PRKG1: variants seen among roughly 807,000 people sequenced by gnomAD.
The protein encoded by PRKG1 is cGMP-dependent protein kinase 1.
Under a neutral mutation model 88.1 loss-of-function variants are expected in PRKG1, and 35 were observed. The observed-to-expected ratio is 0.40, with a 90% CI of 0.30 to 0.53. The LOEUF (loss-of-function observed/expected upper bound fraction) is 0.53, where lower values mean the gene tolerates loss of function less well. Among genes scored for constraint, PRKG1 ranks in the 20% least tolerant of loss-of-function variants. The probability of loss-of-function intolerance (pLI) is 0.59; values close to 1 mark genes in which losing one functional copy is unlikely to be tolerated. For synonymous variants in PRKG1, 303 were observed against 292.5 expected (o/e 1.04, Z -0.37); for missense variants, 540 against 839.8 (o/e 0.64, Z 4.41).
intron 2 of PRKG1, chr10:51,319,869 T>C (rs941605980): frequency 6.4e-6 from 1 of 156,580 alleles, no homozygotes; most frequent in African/African-American, 2.4e-5. Context: ...TCTGAAAAAG[T>C]TTGTGGAGAG....
chr10:51,406,699 A>G (rs552068725), intron 2 of PRKG1, among the ~76,000 whole-genome samples: 3 of 151,958 alleles, frequency 2.0e-5, no homozygotes, highest in East Asian at 1.9e-4. Context: ...ATGTGCAACA[A>G]TAGGTGAATT....
intron 2 of PRKG1, among the ~76,000 whole-genome samples, chr10:51,218,338 C>T (rs1457032341): frequency 1.3e-5 from 2 of 151,532 alleles, no homozygotes; most frequent in East Asian, 3.9e-4. Context: ...TTATTCCCAC[C>T]ATCTGTGGTT....
At position 50,999,309 on chromosome 10, in the gene PRKG1, A is replaced by G. The variant is rs78438849; in HGVS notation, c.266+7665A>G. 1.7e-4 allele frequency among the ~76,000 whole-genome samples: 26 copies of G among 152,372 alleles called. No individual in the cohort carries two copies. The East Asian group carries it at 3.7e-3, about 21-fold the overall frequency. On this transcript the variant is annotated intron_variant, in intron 1 of 17. Coordinates refer to the PRKG1 transcript ENST00000401604. ...CACTGATAGCACTTTCATGTGCAAG[A>G]TGATAACATGACTGTGCTGATTTCA...
Position 51,525,214 on chromosome 10 carries a change from G to A in PRKG1, c.592+57378G>A, listed in dbSNP as rs146125574. ...AGTAGGAGGAGGAAGAGAAGAAAGG[G>A]AAGGAAAGAAAAGAAGAAAGGGAAG... On this transcript the variant is annotated intron_variant, in intron 3 of 17. Transcript: ENST00000373980. Among the ~76,000 whole-genome samples, 301 of 150,790 alleles carry A rather than the reference G, an allele frequency of 2.0e-3. 3 individuals carry two copies. The highest frequency in any genetic ancestry group is 4.5e-3 in the East Asian group (23 of 5,142).
chr10:52,106,868 T>C (rs764903021), intron 7 of PRKG1, among the ~76,000 whole-genome samples: 3 of 152,134 alleles, frequency 2.0e-5, no homozygotes, highest in Non-Finnish European at 4.4e-5. Context: ...GTGATATTTC[T>C]CATGTGATTC....
intron 2 of PRKG1, among the ~76,000 whole-genome samples, chr10:51,251,687 A>T (rs1839432510): frequency 6.6e-6 from 1 of 151,808 alleles, no homozygotes; most frequent in African/African-American, 2.4e-5. Context: ...CCTTGGGAAG[A>T]GGTAACATAC....
intron 2 of PRKG1, among the ~76,000 whole-genome samples, chr10:51,438,664 G>A (rs767722145): frequency 3.9e-5 from 6 of 151,930 alleles, no homozygotes; most frequent in Non-Finnish European, 7.4e-5. Context: ...TATCACTGGT[G>A]ATACTGACTT....
intron 2 of PRKG1, among the ~76,000 whole-genome samples, chr10:51,349,619 G>T (rs1842196665): frequency 6.6e-6 from 1 of 151,214 alleles, no homozygotes; most frequent in African/African-American, 2.4e-5. Context: ...CGATTCTCCT[G>T]CCTTAGCCTC....
At chr10:51,410,509 G>T (rs1588929444) in intron 2 of PRKG1, among the ~76,000 whole-genome samples, 1 of 151,990 alleles carries the variant, frequency 6.6e-6, no homozygotes, top group Non-Finnish European at 1.5e-5. Flanking sequence ...ATATTTGCTG[G>T]CAGCTGATTA....
At position 51,243,758 on chromosome 10, in the gene PRKG1, C is replaced by T. The variant is rs1210286537; in HGVS notation, c.478+90428C>T. Among the ~76,000 whole-genome samples, 3 of 152,080 alleles carry T rather than the reference C, an allele frequency of 2.0e-5. No individual in the cohort carries two copies. In the East Asian group the frequency reaches 5.8e-4, roughly 29 times the overall value. On this transcript the variant is annotated intron_variant, in intron 2 of 17. Transcript: ENST00000373980. Reference sequence around the variant, plus strand: ...GGCCTGATGCCAAGACTTAAATGCACCTGGAAATGCTAATTAATTGGTAGA... The same window carrying T: ...GGCCTGATGCCAAGACTTAAATGCATCTGGAAATGCTAATTAATTGGTAGA...
intron 5 of PRKG1, among the ~76,000 whole-genome samples, chr10:52,003,281 A>G (rs1017039354): frequency 6.6e-6 from 1 of 152,196 alleles, no homozygotes; most frequent in African/African-American, 2.4e-5. Context: ...ACAGTTCCCT[A>G]TATGACCTAT....
At chr10:51,542,971 A>G (rs777032604) in intron 3 of PRKG1, among the ~76,000 whole-genome samples, 4 of 152,204 alleles carry the variant, frequency 2.6e-5, no homozygotes, top group Non-Finnish European at 2.9e-5. Context: ...TGAGTGTTTT[A>G]GTTGATGTCA....
intron 2 of PRKG1, among the ~76,000 whole-genome samples, chr10:51,421,670 C>G (rs1466737362): frequency 1.3e-5 from 2 of 152,184 alleles, no homozygotes; most frequent in Non-Finnish European, 2.9e-5. Context: ...GGTGCCCTCT[C>G]CAGAGCATCA....
chr10:51,504,574 G>T (rs920662244), intron 3 of PRKG1, among the ~76,000 whole-genome samples: 27 of 152,080 alleles, frequency 1.8e-4, no homozygotes, highest in African/African-American at 5.8e-4. Flanking sequence ...CATGGCCATT[G>T]TCATGATATT....
At chr10:51,590,816 G>A (rs567618837) in intron 3 of PRKG1, among the ~76,000 whole-genome samples, 305 of 152,132 alleles carry the variant, frequency 2.0e-3, no homozygotes, top group African/African-American at 6.9e-3. Context: ...TTCGATATGG[G>A]GGGGGTGGGG....
intron 1 of PRKG1, among the ~76,000 whole-genome samples, chr10:51,148,423 G>A (rs911418042): frequency 1.3e-5 from 2 of 152,166 alleles, no homozygotes; most frequent in African/African-American, 4.8e-5. Context: ...TCCATTCTTA[G>A]CAATAACTTA....
chr10:51,991,649 C>T lies in PRKG1; in HGVS notation c.763-62835C>T, dbSNP rs923138101. Among the ~76,000 whole-genome samples, 12 of 152,188 alleles carry T rather than the reference C, an allele frequency of 7.9e-5. No homozygotes were observed. The South Asian group carries it at 8.3e-4, about 11-fold the overall frequency. On this transcript the variant is annotated intron_variant, in intron 5 of 17. Coordinates refer to ENST00000373980, the MANE Select transcript of PRKG1 (RefSeq NM_006258.4). ...TGCAGTGTTTGGTTTTTTGTCTTTGCGATAGTTTGCTGAGAATGATGGTTT... is the reference window on the plus strand; with the variant it reads ...TGCAGTGTTTGGTTTTTTGTCTTTGTGATAGTTTGCTGAGAATGATGGTTT...
At chr10:51,988,846 A>G (rs561631610) in intron 5 of PRKG1, among the ~76,000 whole-genome samples, 27 of 152,176 alleles carry the variant, frequency 1.8e-4, no homozygotes, top group African/African-American at 6.3e-4. Context: ...TGCTTTCTAT[A>G]GAAGTTTTTA....
At chr10:51,949,459 AATATATATAT>A (rs145622381) in intron 5 of PRKG1, among the ~76,000 whole-genome samples, 2 of 150,272 alleles carry the variant, frequency 1.3e-5, no homozygotes, top group African/African-American at 4.9e-5. Flanking sequence ...TAAATAAATA[AATATATATAT>A]ATATAAATAA....
Sources: allele counts gnomAD v4.1 joint callset (sites outside exome capture counted in the v4.1 genomes callset), GRCh38; gene constraint gnomAD v4.1.1; transcripts MANE v1.5; gene names NCBI Gene and HGNC (gene_info 2026-07-23, HGNC 2026-07-21).